SH3RF3: variants seen among roughly 807,000 people sequenced by gnomAD.
The protein encoded by SH3RF3 is SH3 domain containing ring finger 3, also known as E3 ubiquitin-protein ligase SH3RF3.
In SH3RF3, 29 loss-of-function variants were observed where a neutral mutation model predicts 66.3. The ratio of observed to expected loss-of-function variants is 0.44; its 90% confidence interval spans 0.33 to 0.60. The LOEUF is 0.60. Among genes scored for constraint, SH3RF3 ranks in the 20% least tolerant of loss-of-function variants. SH3RF3 has a pLI of 0.04. For missense variants in SH3RF3, 1,194 were observed against 1,190.9 expected, an observed-to-expected ratio of 1.00 and a Z score of -0.04; for synonymous variants, 583 against 532.0, an observed-to-expected ratio of 1.10 and a Z score of -1.32.
At chr2:109,204,679 A>G (rs1357384596) in intron 1 of SH3RF3, among the ~76,000 whole-genome samples, 2 of 152,252 alleles carry the variant, frequency 1.3e-5, no homozygotes, top group Non-Finnish European at 2.9e-5. Context: ...AGGATGCCCC[A>G]TTGGAGAACT....
At chr2:109,398,354 T>C (rs971870165) in intron 3 of SH3RF3, among the ~76,000 whole-genome samples, 3 of 152,190 alleles carry the variant, frequency 2.0e-5, no homozygotes, top group African/African-American at 7.2e-5. Context: ...AAAACTCTTC[T>C]TTCTCTATGA....
intron 8 of SH3RF3, among the ~76,000 whole-genome samples, chr2:109,484,698 G>T (rs1678924300): frequency 6.6e-6 from 1 of 152,134 alleles, no homozygotes; most frequent in African/African-American, 2.4e-5. Context: ...CACAAGTGAT[G>T]CAATAAATCA....
intron 8 of SH3RF3, among the ~76,000 whole-genome samples, chr2:109,472,021 G>A (rs952893413): frequency 3.3e-5 from 5 of 152,140 alleles, no homozygotes; most frequent in Non-Finnish European, 7.4e-5. Flanking sequence ...TGCACTGTGT[G>A]GCCCTGTAGC....
chr2:109,408,598 T>A (rs907791238), intron 4 of SH3RF3, among the ~76,000 whole-genome samples: 7 of 152,218 alleles, frequency 4.6e-5, no homozygotes, highest in Non-Finnish European at 1.0e-4. Flanking sequence ...TGAGCTTCGC[T>A]GCGGCAAGAG....
intron 7 of SH3RF3, among the ~76,000 whole-genome samples, chr2:109,438,622 G>A (rs1444639664): frequency 1.3e-5 from 2 of 152,190 alleles, no homozygotes; most frequent in Non-Finnish European, 2.9e-5. Context: ...CCCTGGGAAA[G>A]AATCTGCAGC....
intron 1 of SH3RF3, among the ~76,000 whole-genome samples, chr2:109,147,905 A>G (rs1174729809): frequency 6.6e-6 from 1 of 152,206 alleles, no homozygotes; most frequent in Non-Finnish European, 1.5e-5. Flanking sequence ...GTTTATAGTT[A>G]TTGATTGGCA....
intron 8 of SH3RF3, among the ~76,000 whole-genome samples, chr2:109,463,939 G>A (rs1678270955): frequency 6.6e-6 from 1 of 152,146 alleles, no homozygotes; most frequent in African/African-American, 2.4e-5. Context: ...TTAGAAAGAG[G>A]CACCCGTACA....
At chr2:109,223,651 C>T (rs1679306754) in intron 1 of SH3RF3, among the ~76,000 whole-genome samples, 1 of 152,158 alleles carries the variant, frequency 6.6e-6, no homozygotes, top group African/African-American at 2.4e-5. Context: ...TAGCCCTGCA[C>T]CTCTCCATGG....
At chr2:109,143,231 AC>A (rs1677006943) in intron 1 of SH3RF3, among the ~76,000 whole-genome samples, 2 of 152,208 alleles carry the variant, frequency 1.3e-5, no homozygotes. Context: ...TCATTTGGAA[AC>A]AAATTTAAAT....
intron 7 of SH3RF3, among the ~76,000 whole-genome samples, chr2:109,445,741 G>T (rs13411554): frequency 6.6e-6 from 1 of 152,026 alleles, no homozygotes; most frequent in Non-Finnish European, 1.5e-5. Context: ...AGGGAGGGGT[G>T]TGGGGAAGTA....
At chr2:109,473,119 G>A (rs186721399) in intron 8 of SH3RF3, among the ~76,000 whole-genome samples, 104 of 152,332 alleles carry the variant, frequency 6.8e-4, no homozygotes, top group African/African-American at 2.4e-3. Context: ...GCATTTAATC[G>A]CCCCTCATTT....
chr2:109,160,795 C>T (rs576220723), intron 1 of SH3RF3, among the ~76,000 whole-genome samples: 9 of 152,216 alleles, frequency 5.9e-5, no homozygotes, highest in Non-Finnish European at 8.8e-5. Flanking sequence ...GGGGCTGAGG[C>T]GTGATGCTGG....
chr2:109,460,251 A>G (rs139111616), intron 8 of SH3RF3, among the ~76,000 whole-genome samples: 95 of 152,246 alleles, frequency 6.2e-4, no homozygotes, highest in African/African-American at 2.2e-3. Context: ...AGACAAATCC[A>G]TATCTAGAGT....
At chr2:109,466,984 CTG>C (rs1239595348) in intron 8 of SH3RF3, among the ~76,000 whole-genome samples, 2 of 152,068 alleles carry the variant, frequency 1.3e-5, no homozygotes, top group African/African-American at 4.8e-5. Flanking sequence ...TCTTCATACT[CTG>C]TGAAAGAGAG....
At chr2:109,296,742 G>A (rs1481538961) in intron 1 of SH3RF3, among the ~76,000 whole-genome samples, 2 of 152,182 alleles carry the variant, frequency 1.3e-5, no homozygotes, top group Non-Finnish European at 2.9e-5. Context: ...GGAGTGCAGA[G>A]GATTCGCGTG....
chr2:109,357,762 G>A (rs1682980784), intron 2 of SH3RF3, among the ~76,000 whole-genome samples: 1 of 152,158 alleles, frequency 6.6e-6, no homozygotes, highest in Non-Finnish European at 1.5e-5. Context: ...AAAAATAGGT[G>A]TTATATTTTT....
rs370463217 is a variant in SH3RF3, at chr2:109,210,345, A to G, written c.573+80232A>G. 7.9e-5 allele frequency among the ~76,000 whole-genome samples: 12 copies of G among 152,326 alleles called. No homozygotes were observed. The East Asian group carries it at 1.7e-3, about 22-fold the overall frequency. Reference sequence around the variant, plus strand: ...TAAAAATGATATTTCAAGATTTTTAATGTCACTGATCTGTGAAGTCCAAAG... The same window carrying G: ...TAAAAATGATATTTCAAGATTTTTAGTGTCACTGATCTGTGAAGTCCAAAG... On this transcript the variant is annotated intron_variant, in intron 1 of 9. Transcript: ENST00000309415.
In SH3RF3 at chr2:109,398,644, G is replaced by A; in HGVS notation, c.1000G>A (p.Ala334Thr). The change falls in exon 4 of 10, where the codon GCA (alanine) becomes ACA (threonine). Residue 334 changes from alanine (A) to threonine (T), a missense_variant. Coordinates refer to ENST00000309415, the MANE Select transcript of SH3RF3 (RefSeq NM_001099289.3). ...IEMDKPCPAA[A>T]SSCNASLPSD... ...GATGGACAAGCCATGCCCAGCCGCT[G>A]CATCCAGCTGCAATGCCTCCCTGCC... is the stretch of plus-strand genomic sequence containing the variant. 2 of 1,601,392 alleles carry A rather than the reference G, an allele frequency of 1.2e-6. No individual in the cohort carries two copies. The highest frequency in any genetic ancestry group is 1.7e-5 in the Admixed American group (1 of 58,580).
chr2:109,407,919 A>T (rs10205046), intron 4 of SH3RF3, among the ~76,000 whole-genome samples: 1 of 152,128 alleles, frequency 6.6e-6, no homozygotes, highest in Non-Finnish European at 1.5e-5. Flanking sequence ...AAGCTTACCA[A>T]TCACAGTGCA....
Sources: allele counts gnomAD v4.1 joint callset (sites outside exome capture counted in the v4.1 genomes callset), GRCh38; gene constraint gnomAD v4.1.1; transcripts MANE v1.5; gene names NCBI Gene and HGNC (gene_info 2026-07-23, HGNC 2026-07-21).